Variants in TRMT11 observed in about 807,000 individuals in gnomAD.
TRMT11 encodes tRNA methyltransferase 11.
TRMT11 carries 53 observed loss-of-function variants against 62.8 expected under a neutral mutation model. The ratio of observed to expected loss-of-function variants is 0.84; its 90% confidence interval spans 0.68 to 1.06. TRMT11 has a LOEUF of 1.06. Ranked by LOEUF, TRMT11 falls within the 50% of genes least tolerant of loss-of-function variation. The pLI is 0.00. For missense variants in TRMT11, 556 were observed against 553.4 expected, an observed-to-expected ratio of 1.00 and a Z score of -0.05; for synonymous variants, 188 against 190.3, an observed-to-expected ratio of 0.99 and a Z score of 0.10.
chr6:126,136,454 T>C (rs1464358371), intron 21 of TRMT11, among the ~76,000 whole-genome samples: 2 of 151,552 alleles, frequency 1.3e-5, no homozygotes, highest in Non-Finnish European at 3.0e-5. Context: ...TAACCAAAGA[T>C]GTGAAAAATC....
At chr6:126,007,783 G>C (rs1793581160) in intron 7 of TRMT11, among the ~76,000 whole-genome samples, 1 of 151,880 alleles carries the variant, frequency 6.6e-6, no homozygotes, top group African/African-American at 2.4e-5. Flanking sequence ...ATTATTTTGT[G>C]CATGTTTGAT....
At chr6:126,010,095 C>G (rs931566685) in intron 8 of TRMT11, among the ~76,000 whole-genome samples, 5 of 151,912 alleles carry the variant, frequency 3.3e-5, no homozygotes, top group Non-Finnish European at 7.4e-5. Flanking sequence ...TTCCATTTGC[C>G]AAAATGCTTC....
intron 11 of TRMT11, among the ~76,000 whole-genome samples, chr6:126,016,719 TA>T (rs1795035390): frequency 2.0e-5 from 3 of 150,780 alleles, no homozygotes; most frequent in Non-Finnish European, 4.4e-5. Context: ...TTTTTTGTCT[TA>T]GATGTTTTAT....
At chr6:126,150,715 A>C (rs1412628882) in intron 21 of TRMT11, among the ~76,000 whole-genome samples, 2 of 152,168 alleles carry the variant, frequency 1.3e-5, no homozygotes, top group Non-Finnish European at 2.9e-5. Flanking sequence ...TAAAAACATT[A>C]GTGTTTCAGC....
chr6:126,155,271 C>T (rs780925015), intron 21 of TRMT11, among the ~76,000 whole-genome samples: 44 of 152,196 alleles, frequency 2.9e-4, no homozygotes, highest in African/African-American at 9.6e-4. Flanking sequence ...AACTCGATCT[C>T]GTGAGAACTC....
chr6:126,001,077 C>A (rs148676275), intron 7 of TRMT11, among the ~76,000 whole-genome samples: 73 of 152,184 alleles, frequency 4.8e-4, no homozygotes, highest in African/African-American at 1.7e-3. Context: ...CATCCCTTTA[C>A]CCTTCAAGTA....
At chr6:126,181,985 A>G (rs1185383321) in intron 1 of TRMT11, among the ~76,000 whole-genome samples, 12 of 152,226 alleles carry the variant, frequency 7.9e-5, no homozygotes, top group Admixed American at 7.8e-4. Flanking sequence ...GTCTGAAAAG[A>G]CAGATTCAAA....
At chr6:126,257,846 G>C in the TRMT11 span, 2 of 1,095,212 alleles carry the variant, frequency 1.8e-6, no homozygotes, top group Non-Finnish European at 2.7e-6. Context: ...CACAGGGTCC[G>C]CTGGTATTGC....
At chr6:125,995,879 G>A (rs1383978339) in intron 2 of TRMT11, 88 bp from the exon 3 acceptor site, 1 of 782,482 alleles carries the variant, frequency 1.3e-6, no homozygotes, top group East Asian at 2.5e-5. Context: ...GTAGCAAATA[G>A]GCACTTCTCC....
chr6:126,151,080 C>G (rs1334990981), intron 21 of TRMT11, among the ~76,000 whole-genome samples: 1 of 152,118 alleles, frequency 6.6e-6, no homozygotes, highest in Non-Finnish European at 1.5e-5. Flanking sequence ...TACCTGTTAA[C>G]CTTTGAAATA....
rs192288973 is a variant in TRMT11 at position 126,079,072 on chromosome 6, G to T, written c.*1437+25882G>T. ...GCTGGTGAGTCCCTGGACCATAAAG[G>T]TAAAATAAATCATAACCCTAAGCCT... is the stretch of plus-strand genomic sequence containing the variant. On this transcript the variant is annotated intron_variant and NMD_transcript_variant, in intron 17 of 22. Coordinates refer to the TRMT11 transcript ENST00000648977. Among the ~76,000 whole-genome samples the T allele has an allele frequency of 2.0e-4, 31 of 152,194 alleles. No individual in the cohort carries two copies. The East Asian group carries it at 6.0e-3, about 29-fold the overall frequency.
At chr6:126,205,176 C>T (rs1778777775), downstream of TRMT11, among the ~76,000 whole-genome samples, 1 of 152,174 alleles carries the variant, frequency 6.6e-6, no homozygotes, top group African/African-American at 2.4e-5. Flanking sequence ...AATTCAATCA[C>T]TTTTTATTTT....
chr6:126,244,608 T>G, the TRMT11 span, among the ~76,000 whole-genome samples: 1 of 152,190 alleles, frequency 6.6e-6, no homozygotes, highest in Non-Finnish European at 1.5e-5. Flanking sequence ...CGTATCCACT[T>G]AGGGACGGAT....
At chr6:126,220,337 A>C in the TRMT11 span, among the ~76,000 whole-genome samples, 2 of 152,234 alleles carry the variant, frequency 1.3e-5, no homozygotes, top group African/African-American at 4.8e-5. Flanking sequence ...ACGGAGAAGC[A>C]GCTTGCTTAA....
chr6:126,208,823 C>G, the TRMT11 span, among the ~76,000 whole-genome samples: 1 of 152,224 alleles, frequency 6.6e-6, no homozygotes, highest in Non-Finnish European at 1.5e-5. Flanking sequence ...AATGAACATT[C>G]CAGTCCTCCG....
At chr6:126,114,824 G>A (rs1290183862) in intron 19 of TRMT11, among the ~76,000 whole-genome samples, 5 of 152,052 alleles carry the variant, frequency 3.3e-5, no homozygotes, top group Non-Finnish European at 5.9e-5. Context: ...GTTTTAGAAG[G>A]CACACAGATG....
At chr6:126,136,574 A>G (rs1777852359) in intron 21 of TRMT11, among the ~76,000 whole-genome samples, 1 of 151,432 alleles carries the variant, frequency 6.6e-6, no homozygotes. Flanking sequence ...TGTCTATACT[A>G]CCCTAAGTGA....
chr6:125,990,716 T>A (rs1265621784), intron 1 of TRMT11, among the ~76,000 whole-genome samples: 2 of 152,230 alleles, frequency 1.3e-5, no homozygotes, highest in East Asian at 3.8e-4. Flanking sequence ...TTAGATTTTT[T>A]TCAGGGATTG....
At chr6:126,226,596 T>C in the TRMT11 span, among the ~76,000 whole-genome samples, 2 of 152,270 alleles carry the variant, frequency 1.3e-5, no homozygotes, top group African/African-American at 4.8e-5. Flanking sequence ...GTAAATATTA[T>C]AGTAATAGAA....
Sources: allele counts gnomAD v4.1 joint callset (sites outside exome capture counted in the v4.1 genomes callset), GRCh38; gene constraint gnomAD v4.1.1; transcripts MANE v1.5; gene names NCBI Gene and HGNC (gene_info 2026-07-23, HGNC 2026-07-21).